Variants in NMBR observed in about 807,000 individuals in gnomAD.
NMBR encodes neuromedin-B receptor.
NMBR carries 16 observed loss-of-function variants against 20.5 expected under a neutral mutation model. The ratio of observed to expected loss-of-function variants is 0.78; its 90% CI spans 0.53 to 1.19. NMBR has a LOEUF of 1.19. Among genes scored for constraint, NMBR ranks in the 50% most tolerant of loss-of-function variants. The pLI is 0.00. For synonymous variants in NMBR, 212 were observed against 196.6 expected, an observed-to-expected ratio of 1.08 and a Z score of -0.65; for missense variants, 582 against 499.1, an observed-to-expected ratio of 1.17 and a Z score of -1.58.
At chr6:142,126,744 G>A (rs1778045160) in intron 1 of NMBR, among the ~76,000 whole-genome samples, 1 of 136,040 alleles carries the variant, frequency 7.4e-6, no homozygotes, top group Non-Finnish European at 1.6e-5. Flanking sequence ...TTTTGAGTCA[G>A]GTTATTTGAG....
chr6:142,126,255 C>T (rs998190562), intron 1 of NMBR, among the ~76,000 whole-genome samples: 1 of 148,528 alleles, frequency 6.7e-6, no homozygotes, highest in African/African-American at 2.5e-5. Flanking sequence ...ATATTCCTCT[C>T]TCTCTCTGTG....
At chr6:142,105,985 T>C (rs1401296648) in intron 1 of NMBR, among the ~76,000 whole-genome samples, 1 of 152,320 alleles carries the variant, frequency 6.6e-6, no homozygotes, top group East Asian at 1.9e-4. Context: ...TATGATTATC[T>C]ATTACTTAAT....
intron 2 of NMBR, among the ~76,000 whole-genome samples, chr6:142,081,210 C>G (rs1041440317): frequency 3.3e-5 from 5 of 151,930 alleles, no homozygotes; most frequent in African/African-American, 1.2e-4. Context: ...CTCTCATGAC[C>G]TAATCACCTC....
intron 1 of NMBR, among the ~76,000 whole-genome samples, chr6:142,143,483 C>T (rs1277525243): frequency 6.6e-6 from 1 of 152,188 alleles, no homozygotes; most frequent in East Asian, 1.9e-4. Context: ...GGGGTTTCTC[C>T]ATGTTGGCCA....
intron 1 of NMBR, among the ~76,000 whole-genome samples, chr6:142,138,216 T>A (rs1290303391): frequency 6.6e-6 from 1 of 152,198 alleles, no homozygotes; most frequent in Non-Finnish European, 1.5e-5. Context: ...ACTGGTAACT[T>A]AGTAGGGAAA....
chr6:142,095,988 T>C (rs1299203062), intron 1 of NMBR, among the ~76,000 whole-genome samples: 2 of 152,076 alleles, frequency 1.3e-5, no homozygotes, highest in African/African-American at 2.4e-5. Context: ...TCTGTGGGGT[T>C]GGTGGTGATA....
At chr6:142,142,612 AT>A (rs1194249619) in intron 1 of NMBR, among the ~76,000 whole-genome samples, 7 of 152,124 alleles carry the variant, frequency 4.6e-5, no homozygotes, top group African/African-American at 1.4e-4. Context: ...TACTTTTTCC[AT>A]TTGTGTTTAA....
At chr6:142,133,724 A>G in intron 1 of NMBR, 1 of 509,880 alleles carries the variant, frequency 2.0e-6, no homozygotes, top group Non-Finnish European at 3.5e-6. Context: ...GATGATCTCT[A>G]AGGGTCTATT....
chr6:142,131,303 A>G (rs1284610391), intron 1 of NMBR, among the ~76,000 whole-genome samples: 1 of 152,184 alleles, frequency 6.6e-6, no homozygotes, highest in East Asian at 1.9e-4. Flanking sequence ...GTTGTCAACA[A>G]ATATTTTCTT....
At chr6:142,100,631 T>G (rs948443450) in intron 1 of NMBR, among the ~76,000 whole-genome samples, 3 of 152,184 alleles carry the variant, frequency 2.0e-5, no homozygotes, top group Non-Finnish European at 4.4e-5. Context: ...TAGAAATGTG[T>G]AATTATAGGT....
intron 1 of NMBR, among the ~76,000 whole-genome samples, chr6:142,105,758 G>A (rs921823940): frequency 6.6e-6 from 1 of 152,008 alleles, no homozygotes; most frequent in African/African-American, 2.4e-5. Flanking sequence ...CCAATTTGTA[G>A]TGAAAACTCT....
At chr6:142,129,803 C>G (rs1778107373) in intron 1 of NMBR, among the ~76,000 whole-genome samples, 1 of 152,104 alleles carries the variant, frequency 6.6e-6, no homozygotes, top group Non-Finnish European at 1.5e-5. Context: ...GATAAATGTT[C>G]TCCGAATCCT....
intron 1 of NMBR, among the ~76,000 whole-genome samples, chr6:142,119,794 C>T (rs1056822699): frequency 6.6e-6 from 1 of 151,820 alleles, no homozygotes; most frequent in South Asian, 2.1e-4. Context: ...CAGAGTCTTT[C>T]GTTTTAAGAA....
chr6:142,121,069 T>A (rs1324060373), intron 1 of NMBR, among the ~76,000 whole-genome samples: 2 of 151,980 alleles, frequency 1.3e-5, no homozygotes, highest in African/African-American at 4.8e-5. Flanking sequence ...AAAGTTTTCA[T>A]GATTATTACA....
chr6:142,144,096 C>T (rs947990743), intron 1 of NMBR, among the ~76,000 whole-genome samples: 6 of 152,146 alleles, frequency 3.9e-5, no homozygotes, highest in Admixed American at 2.6e-4. Flanking sequence ...CAGCCATGGG[C>T]GGATGGGGTG....
intron 1 of NMBR, among the ~76,000 whole-genome samples, chr6:142,121,212 A>G (rs1193100257): frequency 1.3e-5 from 2 of 151,876 alleles, no homozygotes; most frequent in Non-Finnish European, 2.9e-5. Context: ...TGCTCTACCA[A>G]TTGGCTGTTT....
chr6:142,087,840 A>G (rs1777227841), intron 2 of NMBR, among the ~76,000 whole-genome samples: 1 of 152,186 alleles, frequency 6.6e-6, no homozygotes, highest in Non-Finnish European at 1.5e-5. Flanking sequence ...TTAGATTCTT[A>G]CTCTACTGCA....
In NMBR at chr6:142,088,844, A is replaced by T. The variant is rs963982780; in HGVS notation, c.-186T>A. The T allele has an allele frequency of 1.3e-5, 7 of 528,202 alleles. No homozygotes were observed. Among genetic ancestry groups the T allele is most frequent in the Non-Finnish European group, 2.3e-5 (7 of 299,244 alleles). 32.7% of individuals were successfully genotyped at this position (528,202 alleles called of 1,614,324 possible). On this transcript the variant is annotated 5_prime_UTR_variant, in exon 2 of 4. Transcript: ENST00000258042. ...GACCTGGGGAGGGGTCTGTCCACAC[A>T]CTCGGGCGCTCCGCTTCTAGAGGGG...
intron 1 of NMBR, among the ~76,000 whole-genome samples, chr6:142,108,639 T>C (rs973584740): frequency 7.2e-5 from 11 of 152,114 alleles, no homozygotes; most frequent in Non-Finnish European, 1.0e-4. Flanking sequence ...GCTCCATGAT[T>C]CAATTACCTC....
Sources: allele counts gnomAD v4.1 joint callset (sites outside exome capture counted in the v4.1 genomes callset), GRCh38; gene constraint gnomAD v4.1.1; transcripts MANE v1.5; gene names NCBI Gene and HGNC (gene_info 2026-07-23, HGNC 2026-07-21).